HDAC9: variants seen among roughly 807,000 people sequenced by gnomAD.
The protein encoded by HDAC9 is MEF-2 interacting transcription repressor (MITR) protein.
Under a neutral mutation model 139.4 loss-of-function variants are expected in HDAC9, and 41 were observed. The observed-to-expected ratio is 0.29, with a 90% CI of 0.23 to 0.38. The LOEUF (loss-of-function observed/expected upper bound fraction) is 0.38, where lower values mean the gene tolerates loss of function less well. Ranked by LOEUF, HDAC9 falls within the 10% of genes least tolerant of loss-of-function variation. HDAC9 has a pLI of 1.00. For synonymous variants in HDAC9, 517 were observed against 476.2 expected (o/e 1.09, Z -1.12); for missense variants, 1,147 against 1,297.0 (o/e 0.88, Z 1.78).
chr7:18,507,932 G>A (rs1360884342), intron 2 of HDAC9, among the ~76,000 whole-genome samples: 1 of 152,192 alleles, frequency 6.6e-6, no homozygotes, highest in Non-Finnish European at 1.5e-5. Flanking sequence ...AACATAACAT[G>A]TTGCATCCTG....
chr7:18,507,214 G>A (rs770066154), intron 2 of HDAC9, among the ~76,000 whole-genome samples: 3 of 126,380 alleles, frequency 2.4e-5, no homozygotes, highest in Non-Finnish European at 4.8e-5. Context: ...TATTTGAGAC[G>A]GAGTCTCACT....
intron 2 of HDAC9, among the ~76,000 whole-genome samples, chr7:18,558,015 A>G (rs936635415): frequency 6.6e-6 from 1 of 152,248 alleles, no homozygotes; most frequent in East Asian, 1.9e-4. Flanking sequence ...GAATGTTCTT[A>G]TATTGGTTAG....
chr7:18,100,202 C>CT (rs1325041451), intron 1 of HDAC9, among the ~76,000 whole-genome samples: 1 of 151,812 alleles, frequency 6.6e-6, no homozygotes, highest in Non-Finnish European at 1.5e-5. Context: ...TTTTGTTCTC[C>CT]TTTATAGATA....
intron 1 of HDAC9, among the ~76,000 whole-genome samples, chr7:18,121,012 T>G (rs111470375): frequency 3.3e-5 from 5 of 152,290 alleles, no homozygotes; most frequent in African/African-American, 4.8e-5. Context: ...AAATTGCATT[T>G]TAGAGAAAGA....
chr7:18,818,573 G>A (rs1449905914), intron 17 of HDAC9, among the ~76,000 whole-genome samples: 2 of 152,176 alleles, frequency 1.3e-5, no homozygotes, highest in Non-Finnish European at 2.9e-5. Context: ...ATAAAAATTA[G>A]TAAGTAGCTA....
At chr7:18,350,919 G>T (rs887806058) in intron 1 of HDAC9, among the ~76,000 whole-genome samples, 1 of 148,106 alleles carries the variant, frequency 6.8e-6, no homozygotes, top group Non-Finnish European at 1.5e-5. Context: ...GAACCCAGCC[G>T]CTGGGTAGCT....
intron 12 of HDAC9, chr7:18,667,579 C>T (rs17139546): frequency 0.013 from 12,871 of 985,182 alleles, 98 homozygotes; most frequent in Middle Eastern, 0.042. Flanking sequence ...ACTGTTTATT[C>T]AAGTCAGTTC....
chr7:18,241,151 A>C (rs1794161673), intron 2 of HDAC9, among the ~76,000 whole-genome samples: 1 of 152,212 alleles, frequency 6.6e-6, no homozygotes, highest in Non-Finnish European at 1.5e-5. Flanking sequence ...TTCAAAATAC[A>C]AATACTTTCA....
At chr7:18,888,817 T>C (rs1335041304) in intron 22 of HDAC9, among the ~76,000 whole-genome samples, 1 of 152,238 alleles carries the variant, frequency 6.6e-6, no homozygotes, top group African/African-American at 2.4e-5. Context: ...AATACTGGCT[T>C]TGATTGCTGC....
chr7:18,860,760 C>A (rs1425127607), intron 21 of HDAC9, among the ~76,000 whole-genome samples: 1 of 152,158 alleles, frequency 6.6e-6, no homozygotes, highest in Non-Finnish European at 1.5e-5. Flanking sequence ...TGCTATGGAG[C>A]TGACCTCCTT....
At chr7:18,323,732 CAAG>C (rs1800213189) in intron 1 of HDAC9, among the ~76,000 whole-genome samples, 2 of 152,034 alleles carry the variant, frequency 1.3e-5, no homozygotes, top group South Asian at 4.2e-4. Flanking sequence ...TGGTGAGTAC[CAAG>C]AAGAACAAAT....
At chr7:18,912,825 G>T (rs1320602540) in intron 22 of HDAC9, among the ~76,000 whole-genome samples, 1 of 152,076 alleles carries the variant, frequency 6.6e-6, no homozygotes, top group African/African-American at 2.4e-5. Context: ...GTTTGGGTAA[G>T]ACAGATTTGT....
intron 2 of HDAC9, among the ~76,000 whole-genome samples, chr7:18,577,089 G>A (rs186707673): frequency 1.8e-4 from 27 of 152,282 alleles, no homozygotes; most frequent in Non-Finnish European, 3.4e-4. Context: ...AATAAGATAA[G>A]GGAAACTTTT....
chr7:18,127,715 ACCC>A (rs1784755537), intron 1 of HDAC9, among the ~76,000 whole-genome samples: 2 of 152,050 alleles, frequency 1.3e-5, no homozygotes, highest in Non-Finnish European at 2.9e-5. Flanking sequence ...AAATTTTTAG[ACCC>A]TGTGCAAAGA....
chr7:18,154,152 G>GT (rs545825473), intron 1 of HDAC9, among the ~76,000 whole-genome samples: 20 of 151,216 alleles, frequency 1.3e-4, no homozygotes, highest in East Asian at 3.9e-4. Context: ...CTAACTTACA[G>GT]TTTTTTTTTC....
At chr7:18,378,448 A>G (rs556319801) in intron 1 of HDAC9, among the ~76,000 whole-genome samples, 2 of 152,242 alleles carry the variant, frequency 1.3e-5, no homozygotes, top group East Asian at 1.9e-4. Flanking sequence ...TAATCATATT[A>G]CAGTATAGCT....
chr7:18,852,864 CTT>C (rs1797404574), intron 21 of HDAC9, among the ~76,000 whole-genome samples: 1 of 150,672 alleles, frequency 6.6e-6, no homozygotes, highest in Non-Finnish European at 1.5e-5. Flanking sequence ...TTTTCCCTCT[CTT>C]TCTTTCCAGT....
At chr7:18,943,294 A>G (rs1204592187) in intron 23 of HDAC9, among the ~76,000 whole-genome samples, 3 of 152,108 alleles carry the variant, frequency 2.0e-5, no homozygotes, top group Non-Finnish European at 4.4e-5. Flanking sequence ...GTGTGGTTCT[A>G]ACTGTTTTCT....
chr7:18,540,189 C>T (rs1357399754), intron 2 of HDAC9, among the ~76,000 whole-genome samples: 2 of 147,196 alleles, frequency 1.4e-5, no homozygotes, highest in East Asian at 2.0e-4. Context: ...AGGAGAATCA[C>T]TTGAACCCGG....
Sources: gnomAD v4.1 joint callset for allele counts (sites outside exome capture counted in the v4.1 genomes callset) on GRCh38, gnomAD v4.1.1 for gene constraint, MANE v1.5 for transcripts, NCBI Gene and HGNC (gene_info 2026-07-23, HGNC 2026-07-21) for gene names.